The following LRTM2 variants were observed in gnomAD, a reference collection of about 807,000 sequenced individuals.
LRTM2 encodes the protein leucine-rich repeat and transmembrane domain-containing protein 2.
In LRTM2, 18 loss-of-function variants were observed where a neutral mutation model predicts 28.1. The ratio of observed to expected loss-of-function variants is 0.64; its 90% CI spans 0.44 to 0.95. The LOEUF (loss-of-function observed/expected upper bound fraction) is 0.95. Ranked by LOEUF, LRTM2 falls within the 40% of genes least tolerant of loss-of-function variation. LRTM2 has a pLI of 0.00. For missense variants in LRTM2, 436 were observed against 497.2 expected, an observed-to-expected ratio of 0.88 and a Z score of 1.17; for synonymous variants, 250 against 218.7, an observed-to-expected ratio of 1.14 and a Z score of -1.26.
rs145065547 is a variant in LRTM2 at position 1,830,952 on chromosome 12, G to A, written c.85G>A (p.Ala29Thr). ...RQVSWITCWI[A>T]LYAVEALPTC... ...CCACCAAGGGATCACCTGCTGGATC[G>A]CCCTGTATGCTGTGGAGGCCCTCCC... is the stretch of plus-strand genomic sequence containing the variant. The change falls in exon 4 of 5, where the codon GCC (alanine) becomes ACC (threonine). Residue 29 changes from alanine (A) to threonine (T), a missense_variant. Coordinates refer to ENST00000299194, the MANE Select transcript of LRTM2 (RefSeq NM_001039029.3). 36 of 1,606,262 alleles carry A rather than the reference G, an allele frequency of 2.2e-5. No individual in the cohort carries two copies. Among genetic ancestry groups the A allele is most frequent in the South Asian group, 1.1e-4 (10 of 90,552 alleles).
In LRTM2 at chr12:1,828,787, A is replaced by G. The variant is rs899492083; in HGVS notation, c.67+572A>G. On this transcript the variant is annotated intron_variant, in intron 3 of 4. Coordinates refer to ENST00000299194, the MANE Select transcript of LRTM2 (RefSeq NM_001039029.3). This position sits in a 1 kb window ranked among gnomAD's most constrained non-coding sequence, Gnocchi z 4.2. ...GGAGTGGGTCCAACCCCTCCTGCAT[A>G]TAGGCAGACTGAGCCGTCCATTTAC... Among the ~76,000 whole-genome samples, 1 of 152,160 alleles carries G rather than the reference A, an allele frequency of 6.6e-6. No individual in the cohort carries two copies.
chr12:1,832,167 T>C (rs1405432500), intron 4 of LRTM2, among the ~76,000 whole-genome samples: 1 of 152,122 alleles, frequency 6.6e-6, no homozygotes, highest in African/African-American at 2.4e-5. Context: ...TCACATGACA[T>C]GGGAGAGGAG....
At position 1,829,433 on chromosome 12, in the gene LRTM2, C is replaced by T. The variant is rs753103796; in HGVS notation, c.67+1218C>T. ...GGAGACATGAGGTAACCCAAGATGG[C>T]CAGAAAAAGGGTCTCCGGTGGCTTC... On this transcript the variant is annotated intron_variant, in intron 3 of 4. Transcript: ENST00000299194. This position sits in a 1 kb window ranked among gnomAD's most constrained non-coding sequence, Gnocchi z 4.2. 2.0e-5 allele frequency among the ~76,000 whole-genome samples: 3 copies of T among 151,924 alleles called. No homozygotes were observed. Among genetic ancestry groups the T allele is most frequent in the Non-Finnish European group, 2.9e-5 (2 of 67,954 alleles).
In LRTM2 at chr12:1,834,767, C is replaced by A. The variant is rs145529491; in HGVS notation, c.*46C>A. On this transcript the variant is annotated 3_prime_UTR_variant, in exon 5 of 5. Transcript: ENST00000299194. The surrounding 1 kb of genome is among the most constrained non-coding windows in gnomAD (Gnocchi z 7.6). Reference sequence around the variant, plus strand: ...AGGTAGGAAGGGCGGGGAGAGCACACGGCATTGCTCAGCCACAGCTCCCAC... The same window carrying A: ...AGGTAGGAAGGGCGGGGAGAGCACAAGGCATTGCTCAGCCACAGCTCCCAC... The A allele has an allele frequency of 2.3e-5, 35 of 1,530,336 alleles. No individual in the cohort carries two copies. Among genetic ancestry groups the A allele is most frequent in the Non-Finnish European group, 3.1e-5 (35 of 1,142,102 alleles). 94.8% of individuals were successfully genotyped at this position (1,530,336 alleles called of 1,614,324 possible).
chr12:1,826,805 T>TG (rs1864350381), intron 1 of LRTM2, among the ~76,000 whole-genome samples: 1 of 152,118 alleles, frequency 6.6e-6, no homozygotes, highest in Non-Finnish European at 1.5e-5. Context: ...GGGGAGAAGA[T>TG]GGGGGCAACA....
chr12:1,823,967 T>C (rs1433825450), intron 1 of LRTM2, among the ~76,000 whole-genome samples: 1 of 152,218 alleles, frequency 6.6e-6, no homozygotes, highest in Non-Finnish European at 1.5e-5. Context: ...CTCAGAGCCA[T>C]ATGATTCCAT....
At chr12:1,825,984 A>G (rs1236323044) in intron 1 of LRTM2, among the ~76,000 whole-genome samples, 1 of 152,212 alleles carries the variant, frequency 6.6e-6, no homozygotes, top group Non-Finnish European at 1.5e-5. Context: ...GAGAGCGTGC[A>G]CGCTGCTGTT....
chr12:1,826,124 T>C (rs926807128), intron 1 of LRTM2, among the ~76,000 whole-genome samples: 6 of 152,016 alleles, frequency 3.9e-5, no homozygotes, highest in Non-Finnish European at 8.8e-5. Context: ...GCCGTCACAA[T>C]AGACCTGCTG....
At chr12:1,830,024 C>A (rs1188898267) in intron 3 of LRTM2, among the ~76,000 whole-genome samples, 1 of 152,192 alleles carries the variant, frequency 6.6e-6, no homozygotes, top group Non-Finnish European at 1.5e-5. Context: ...ACAGACAGGA[C>A]CCCATGCTCG....
In LRTM2 at chr12:1,834,559, G is replaced by C; in HGVS notation, c.951G>C (p.Val317=). Residue 317 remains valine (V), a synonymous_variant, in exon 5 of 5, where the codon GTG becomes GTC. Transcript: ENST00000299194. The surrounding 1 kb of genome is among the most constrained non-coding windows in gnomAD (Gnocchi z 7.6). ...AMGTVIIAGV[V]CGVVCIMMVV... is the part of the protein sequence containing the mutation. ...GCACGGTGATCATTGCAGGGGTCGT[G>C]TGCGGCGTCGTCTGCATCATGATGG... 1 of 1,602,338 alleles carries C rather than the reference G, an allele frequency of 6.2e-7. No individual in the cohort carries two copies. Among genetic ancestry groups the C allele is most frequent in the Non-Finnish European group, 8.5e-7 (1 of 1,179,916 alleles).
rs191419882 is a variant in LRTM2, at chr12:1,825,395, C to G, written c.-258-2015C>G. On this transcript the variant is annotated intron_variant, in intron 1 of 4. Coordinates refer to ENST00000299194, the MANE Select transcript of LRTM2 (RefSeq NM_001039029.3). ...GGAGCAGACACCTGGATGGGGAATCCGGCCTCAACATGGGCCCTGGGCAGA... is the reference window on the plus strand; with the variant it reads ...GGAGCAGACACCTGGATGGGGAATCGGGCCTCAACATGGGCCCTGGGCAGA... Among the ~76,000 whole-genome samples, 6 of 152,196 alleles carry G rather than the reference C, an allele frequency of 3.9e-5. No homozygotes were observed. The South Asian group carries it at 8.3e-4, about 21-fold the overall frequency.
chr12:1,831,827 C>A (rs1433910684), intron 4 of LRTM2, among the ~76,000 whole-genome samples: 2 of 143,368 alleles, frequency 1.4e-5, no homozygotes, highest in African/African-American at 2.6e-5. Flanking sequence ...TGAACTGGAT[C>A]TCCCTTTCTT....
chr12:1,834,266 G>C lies in LRTM2; in HGVS notation c.659-1G>C. On this transcript the variant is annotated splice_acceptor_variant, in intron 4 of 4. Transcript: ENST00000299194. LOFTEE classifies it high-confidence loss of function. The surrounding 1 kb of genome is among the most constrained non-coding windows in gnomAD (Gnocchi z 7.6). ...CCCCTCTTTTTCTCTTCTGCATGTA[G>C]GGGGACGCTTGGACCAGCTTGCCTG... 6.4e-7 allele frequency: 1 copy of C among 1,560,792 alleles called. No individual in the cohort carries two copies. Among genetic ancestry groups the C allele is most frequent in the Non-Finnish European group, 8.7e-7 (1 of 1,150,868 alleles).
At position 1,828,276 on chromosome 12, in the gene LRTM2, T is replaced by G. The variant is rs1034643300; in HGVS notation, c.67+61T>G. 1 of 1,414,770 alleles carries G rather than the reference T, an allele frequency of 7.1e-7. No individual in the cohort carries two copies. Among genetic ancestry groups the G allele is most frequent in the Non-Finnish European group, 9.5e-7 (1 of 1,047,578 alleles). The allele number at this position is 1,414,770 out of a possible 1,614,324, so 87.6% of individuals were successfully genotyped here. On this transcript the variant is annotated intron_variant, in intron 3 of 4. Transcript: ENST00000299194. This position sits in a 1 kb window ranked among gnomAD's most constrained non-coding sequence, Gnocchi z 4.2. ...TTGGGTGGGGGTGCCGAGGTGACTG[T>G]AGGTAGCGCCATATGGGACCTTAGC...
rs1268107240 is a variant in LRTM2, at chr12:1,833,412, C to T, written c.659-855C>T. On this transcript the variant is annotated intron_variant, in intron 4 of 4. Coordinates refer to ENST00000299194, the MANE Select transcript of LRTM2 (RefSeq NM_001039029.3). The surrounding 1 kb of genome is among the most constrained non-coding windows in gnomAD (Gnocchi z 4.2). ...TTGTCCTCAACCACCTTCTCTCTCA[C>T]CCCAGCCCTGTCCTGCATCTGTGTC... is the stretch of plus-strand genomic sequence containing the variant. 6.6e-6 allele frequency among the ~76,000 whole-genome samples: 1 copy of T among 152,138 alleles called. No individual in the cohort carries two copies. Among genetic ancestry groups the T allele is most frequent in the Admixed American group, 6.5e-5 (1 of 15,270 alleles).
In LRTM2 at chr12:1,830,930, C is replaced by A; in HGVS notation, c.68-5C>A. 6.3e-7 allele frequency: 1 copy of A among 1,590,854 alleles called. No individual in the cohort carries two copies. The highest frequency in any genetic ancestry group is 8.6e-7 in the Non-Finnish European group (1 of 1,163,726). On this transcript the variant is annotated splice_region_variant and splice_polypyrimidine_tract_variant and intron_variant, in intron 3 of 4. Coordinates refer to ENST00000299194, the MANE Select transcript of LRTM2 (RefSeq NM_001039029.3). ...TTCTTTCCCCCGTCTGTCCCTCCCACCAAGGGATCACCTGCTGGATCGCCC... is the reference window on the plus strand; with the variant it reads ...TTCTTTCCCCCGTCTGTCCCTCCCAACAAGGGATCACCTGCTGGATCGCCC...
chr12:1,826,135 C>T (rs1287632531), intron 1 of LRTM2, among the ~76,000 whole-genome samples: 1 of 152,118 alleles, frequency 6.6e-6, no homozygotes, highest in Non-Finnish European at 1.5e-5. Flanking sequence ...AGACCTGCTG[C>T]TGACACCCCT....
Position 1,834,832 on chromosome 12 carries a change from T to C in LRTM2, c.*111T>C. On this transcript the variant is annotated 3_prime_UTR_variant, in exon 5 of 5. Transcript: ENST00000299194. The surrounding 1 kb of genome is among the most constrained non-coding windows in gnomAD (Gnocchi z 7.6). ...GGCCACTGCCTCCCCGAGTCCACCC[T>C]CCTCCCCGCCCTCCAGCAGACAAGC... The C allele has an allele frequency of 1.4e-6, 2 of 1,433,972 alleles. No individual in the cohort carries two copies. Among genetic ancestry groups the C allele is most frequent in the South Asian group, 1.5e-5 (1 of 67,630 alleles). 88.8% of individuals were successfully genotyped at this position (1,433,972 alleles called of 1,614,324 possible).
In LRTM2 at chr12:1,828,139, G is replaced by C. The variant is rs945939653; in HGVS notation, c.-10G>C. Reference sequence around the variant, plus strand: ...AGAGCGACAGGGCCCGGAGAGCCGTGGGCCTCACCATGCTGGCGCCGGGCA... The same window carrying C: ...AGAGCGACAGGGCCCGGAGAGCCGTCGGCCTCACCATGCTGGCGCCGGGCA... On this transcript the variant is annotated 5_prime_UTR_variant, in exon 3 of 5. Transcript: ENST00000299194. This position sits in a 1 kb window ranked among gnomAD's most constrained non-coding sequence, Gnocchi z 4.2. 7 of 1,536,080 alleles carry C rather than the reference G, an allele frequency of 4.6e-6. No homozygotes were observed. The highest frequency in any genetic ancestry group is 6.1e-6 in the Non-Finnish European group (7 of 1,139,994).
Sources: gnomAD v4.1 joint callset for allele counts (sites outside exome capture counted in the v4.1 genomes callset) on GRCh38, gnomAD v4.1.1 for gene constraint, Gnocchi (gnomAD v3.1) non-coding constraint, MANE v1.5 for transcripts, NCBI Gene and HGNC (gene_info 2026-07-23, HGNC 2026-07-21) for gene names.